Variants in NELL1 observed in about 807,000 individuals in gnomAD.
NELL1 encodes protein kinase C-binding protein NELL1.
A neutral mutation model predicts 107.4 loss-of-function variants in NELL1; 76 were observed. The ratio of observed to expected loss-of-function variants is 0.71; its 90% CI spans 0.59 to 0.86. NELL1 has a LOEUF of 0.86. Ranked by LOEUF, NELL1 falls within the 40% of genes least tolerant of loss-of-function variation. The pLI is 0.00. For missense variants in NELL1, 1,024 were observed against 1,005.5 expected (o/e 1.02, Z -0.25); for synonymous variants, 353 against 341.2 (o/e 1.03, Z -0.38).
At chr11:21,424,437 A>G (rs934025905) in intron 15 of NELL1, among the ~76,000 whole-genome samples, 32 of 152,104 alleles carry the variant, frequency 2.1e-4, no homozygotes, top group Non-Finnish European at 1.3e-4. Context: ...CCTGGCCAAC[A>G]TGGTGAAACC....
chr11:20,882,244 G>A (rs530030679), intron 4 of NELL1, among the ~76,000 whole-genome samples: 4 of 152,318 alleles, frequency 2.6e-5, no homozygotes, highest in East Asian at 3.9e-4. Flanking sequence ...AGTCTGTGCC[G>A]TGCACATTTC....
At chr11:21,489,396 A>AAAAAAAAAC (rs1854736987) in intron 15 of NELL1, among the ~76,000 whole-genome samples, 1 of 147,394 alleles carries the variant, frequency 6.8e-6, no homozygotes, top group Non-Finnish European at 1.5e-5. Context: ...AAAAAAAAAA[A>AAAAAAAAAC]AAAAAAAAAA....
intron 12 of NELL1, among the ~76,000 whole-genome samples, chr11:21,002,340 TG>T (rs750704430): frequency 8.0e-4 from 64 of 80,258 alleles, no homozygotes; most frequent in South Asian, 1.2e-3. Context: ...TGCAGATATT[TG>T]GACATTCTGA....
intron 14 of NELL1, among the ~76,000 whole-genome samples, chr11:21,256,735 C>A (rs552317245): frequency 1.3e-5 from 2 of 152,074 alleles, no homozygotes; most frequent in South Asian, 2.1e-4. Flanking sequence ...AGGACAATGA[C>A]AATGCAGAAG....
At chr11:20,699,612 C>A (rs10833380) in intron 2 of NELL1, among the ~76,000 whole-genome samples, 67,128 of 151,972 alleles carry the variant, frequency 0.44, 16,488 homozygotes, top group Middle Eastern at 0.61. Context: ...CCCACCTTGG[C>A]CTCCCAAAGT....
At chr11:20,904,170 G>A (rs138878368) in intron 5 of NELL1, among the ~76,000 whole-genome samples, 1,570 of 151,796 alleles carry the variant, frequency 0.01, 31 homozygotes, top group African/African-American at 0.035. Flanking sequence ...TAACTAACCT[G>A]CACAATGTGC....
chr11:21,030,676 A>C (rs1020306222), intron 12 of NELL1, among the ~76,000 whole-genome samples: 2 of 146,370 alleles, frequency 1.4e-5, no homozygotes, highest in African/African-American at 2.5e-5. Flanking sequence ...GGAGATATTC[A>C]AAGTTGGCAA....
chr11:20,767,749 T>C (rs796878608), intron 2 of NELL1, among the ~76,000 whole-genome samples: 15 of 150,886 alleles, frequency 9.9e-5, no homozygotes, highest in African/African-American at 3.5e-4. Context: ...CATTCATTCA[T>C]GCACTCAACA....
intron 14 of NELL1, among the ~76,000 whole-genome samples, chr11:21,238,639 T>A (rs1360113569): frequency 6.6e-6 from 1 of 151,972 alleles, no homozygotes; most frequent in Non-Finnish European, 1.5e-5. Flanking sequence ...CAAAAAGTAT[T>A]CACCCTCTTT....
intron 12 of NELL1, among the ~76,000 whole-genome samples, chr11:21,104,193 C>G (rs1291265684): frequency 6.6e-6 from 1 of 152,274 alleles, no homozygotes; most frequent in Admixed American, 6.5e-5. Context: ...CACACCCTGA[C>G]AGATTGAGGT....
At chr11:20,963,975 C>T (rs561836463) in intron 12 of NELL1, among the ~76,000 whole-genome samples, 5 of 152,160 alleles carry the variant, frequency 3.3e-5, no homozygotes, top group Admixed American at 2.0e-4. Flanking sequence ...TAGAGATTGT[C>T]GTAGAAACTG....
intron 12 of NELL1, among the ~76,000 whole-genome samples, chr11:21,046,611 G>A (rs1168594201): frequency 6.6e-6 from 1 of 152,114 alleles, no homozygotes; most frequent in Non-Finnish European, 1.5e-5. Flanking sequence ...CCAATCAAGT[G>A]ACATTCACAA....
At chr11:20,776,363 C>G (rs1048911204) in intron 2 of NELL1, among the ~76,000 whole-genome samples, 1 of 151,862 alleles carries the variant, frequency 6.6e-6, no homozygotes, top group East Asian at 1.9e-4. Flanking sequence ...CGCTTGAACC[C>G]GGGAGGTGGA....
chr11:21,219,499 AT>A (rs1857698841), intron 13 of NELL1, among the ~76,000 whole-genome samples: 1 of 152,076 alleles, frequency 6.6e-6, no homozygotes, highest in Non-Finnish European at 1.5e-5. Flanking sequence ...CCACTCACCT[AT>A]TTTTAGTTTT....
chr11:20,842,468 G>T (rs1848638493), intron 3 of NELL1, among the ~76,000 whole-genome samples: 1 of 152,162 alleles, frequency 6.6e-6, no homozygotes, highest in Non-Finnish European at 1.5e-5. Context: ...ACCTGGGTCT[G>T]CAGTAGTCTG....
intron 10 of NELL1, among the ~76,000 whole-genome samples, chr11:20,938,262 G>T (rs1227710898): frequency 6.6e-6 from 1 of 152,110 alleles, no homozygotes; most frequent in African/African-American, 2.4e-5. Context: ...TCTTCCTCCT[G>T]CCTGCCCCTC....
chr11:21,036,315 A>T (rs538453236), intron 12 of NELL1, among the ~76,000 whole-genome samples: 11 of 152,312 alleles, frequency 7.2e-5, no homozygotes, highest in African/African-American at 2.4e-4. Flanking sequence ...TGCCCAAAGC[A>T]GTTTATAGAT....
At position 20,928,528 on chromosome 11, in the gene NELL1, T is replaced by C. The variant is rs1222648702; in HGVS notation, c.997+49T>C. 2.8e-6 allele frequency: 4 copies of C among 1,440,808 alleles called. No individual in the cohort carries two copies. The African/African-American group carries it at 5.6e-5, about 20-fold the overall frequency. 89.3% of individuals were successfully genotyped at this position (1,440,808 alleles called of 1,614,324 possible). ...CTGGCTGTCTGTGTTTTGAGATTTATTTATTTATTTTCCCTGTTTTTCTGG... is the reference window on the plus strand; with the variant it reads ...CTGGCTGTCTGTGTTTTGAGATTTACTTATTTATTTTCCCTGTTTTTCTGG... On this transcript the variant is annotated intron_variant, in intron 9 of 19. Transcript: ENST00000357134.
chr11:20,688,003 G>A (rs1319653996), intron 2 of NELL1, among the ~76,000 whole-genome samples: 1 of 152,058 alleles, frequency 6.6e-6, no homozygotes, highest in African/African-American at 2.4e-5. Context: ...AATGCTTAAT[G>A]TGTAACAAGA....
Sources: allele counts gnomAD v4.1 joint callset (sites outside exome capture counted in the v4.1 genomes callset), GRCh38; gene constraint gnomAD v4.1.1; transcripts MANE v1.5; gene names NCBI Gene and HGNC (gene_info 2026-07-23, HGNC 2026-07-21).